The following ABR variants were observed in gnomAD, a reference collection of about 807,000 sequenced individuals.
The protein encoded by ABR is active breakpoint cluster region-related protein.
ABR carries 35 observed loss-of-function variants against 107.2 expected under a neutral mutation model. The observed-to-expected ratio is 0.33, with a 90% CI of 0.25 to 0.43. The LOEUF (loss-of-function observed/expected upper bound fraction) is 0.43. Among genes scored for constraint, ABR ranks in the 20% least tolerant of loss-of-function variants. The pLI is 1.00. For missense variants in ABR, 815 were observed against 1,115.2 expected (o/e 0.73, Z 3.83); for synonymous variants, 498 against 462.0 (o/e 1.08, Z -1.00).
chr17:1,166,199 G>A (rs1405842287), intron 1 of ABR, among the ~76,000 whole-genome samples: 1 of 152,108 alleles, frequency 6.6e-6, no homozygotes, highest in Non-Finnish European at 1.5e-5. Flanking sequence ...GTTCAAAGCA[G>A]GACAGGCAAG....
At chr17:1,198,041 A>ATT (rs2042603218) in intron 1 of ABR, among the ~76,000 whole-genome samples, 1 of 151,484 alleles carries the variant, frequency 6.6e-6, no homozygotes, top group Admixed American at 6.6e-5. Context: ...CCTAAAGGAG[A>ATT]GCTGAGCTGT....
intron 10 of ABR, among the ~76,000 whole-genome samples, chr17:1,061,628 C>A (rs569503534): frequency 5.9e-5 from 9 of 152,138 alleles, no homozygotes; most frequent in South Asian, 2.1e-4. Context: ...CTCACTGCAA[C>A]CTCCACCTCC....
Position 1,150,330 on chromosome 17 carries a change from G to A in ABR, c.62-24963C>T, listed in dbSNP as rs779583963. 6.6e-6 allele frequency among the ~76,000 whole-genome samples: 1 copy of A among 152,242 alleles called. No individual in the cohort carries two copies. The highest frequency in any genetic ancestry group is 1.5e-5 in the Non-Finnish European group (1 of 68,046). On this transcript the variant is annotated intron_variant, in intron 1 of 22. Coordinates refer to ENST00000302538, the MANE Select transcript of ABR (RefSeq NM_021962.5). This position sits in a 1 kb window ranked among gnomAD's most constrained non-coding sequence, Gnocchi z 4.8. Reference sequence around the variant, plus strand: ...CTCATCTTTTGCCCACAATGGGAAAGGAGGTAAGAAGTCTGTGTTCCGGGT... The same window carrying A: ...CTCATCTTTTGCCCACAATGGGAAAAGAGGTAAGAAGTCTGTGTTCCGGGT...
At chr17:1,107,974 G>A (rs2038371047) in intron 2 of ABR, among the ~76,000 whole-genome samples, 1 of 152,236 alleles carries the variant, frequency 6.6e-6, no homozygotes. Context: ...TCTGTGAGGG[G>A]CAGGGAGGCC....
chr17:1,082,216 G>A (rs1226322406), intron 5 of ABR, among the ~76,000 whole-genome samples: 3 of 152,134 alleles, frequency 2.0e-5, no homozygotes, highest in Non-Finnish European at 4.4e-5. Flanking sequence ...GCCCTGAGCT[G>A]GGGGCTGTTC....
rs200091783 is a variant in ABR, at chr17:1,007,294, G to A, written c.2361C>T (p.Pro787=). The change falls in exon 22 of 23, where the codon CCC becomes CCT. Residue 787 remains proline (P), a synonymous_variant. Transcript: ENST00000302538. ...GGTTGTGAAGTGACATTTTGTTGAT[G>A]GGCTCCTTCTCGGCAACCCTAAGAA... ...EHLKRVAEKE[P]INKMSLHNLA... 31 of 1,614,118 alleles carry A rather than the reference G, an allele frequency of 1.9e-5. No individual in the cohort carries two copies. Among genetic ancestry groups the A allele is most frequent in the Non-Finnish European group, 2.5e-5 (29 of 1,179,980 alleles).
chr17:1,011,928 C>T lies in ABR; in HGVS notation c.2019G>A (p.Lys673=), dbSNP rs116740995. The T allele has an allele frequency of 3.7e-5, 60 of 1,613,310 alleles. No individual in the cohort carries two copies. In the African/African-American group the frequency reaches 6.9e-4, roughly 19 times the overall value. ...IVRQCVEEVE[K]RGIEEVGIYR... is the part of the protein sequence containing the mutation. The stretch of plus-strand genomic sequence containing the variant: ...AGATGCCAACCTCCTCGATACCCCT[C>T]TTCTCCACCTCCTCCACACACTGCC... Residue 673 remains lysine (K), a synonymous_variant, in exon 19 of 23, where the codon AAG becomes AAA. Transcript: ENST00000302538. The surrounding 1 kb of genome is among the most constrained non-coding windows in gnomAD (Gnocchi z 4.8).
In ABR at chr17:1,078,136, TCA is replaced by T. The variant is rs2035887497; in HGVS notation, c.700+1192_700+1193del. 2.6e-5 allele frequency among the ~76,000 whole-genome samples: 4 copies of T among 151,184 alleles called. No individual in the cohort carries two copies. In the East Asian group the frequency reaches 7.8e-4, roughly 30 times the overall value. On this transcript the variant is annotated intron_variant, in intron 6 of 22. Transcript: ENST00000302538. This position sits in a 1 kb window ranked among gnomAD's most constrained non-coding sequence, Gnocchi z 7.5. Reference sequence around the variant, plus strand: ...GTGTGTGTGTGTGTGTGTGTGACCTTCACAGAGTAGCTTGCCACACCCCTCTC... The same window carrying T: ...GTGTGTGTGTGTGTGTGTGTGACCTTCAGAGTAGCTTGCCACACCCCTCTC...
chr17:1,145,109 T>G (rs987565486), intron 1 of ABR, among the ~76,000 whole-genome samples: 5 of 152,186 alleles, frequency 3.3e-5, no homozygotes, highest in African/African-American at 1.2e-4. Flanking sequence ...GGGTTATCGG[T>G]ATATTCTGTC....
intron 16 of ABR, among the ~76,000 whole-genome samples, chr17:1,019,996 A>T (rs12451243): frequency 0.22 from 32,996 of 152,206 alleles, 4,108 homozygotes; most frequent in Admixed American, 0.34. Flanking sequence ...CAGGCTGCAA[A>T]ACATCGTGGA....
At chr17:1,012,913 G>A (rs1278216355) in intron 17 of ABR, 116 bp from the exon 18 acceptor site, 1 of 1,083,544 alleles carries the variant, frequency 9.2e-7, no homozygotes, top group East Asian at 2.6e-5. Context: ...TCACACCCAG[G>A]TCTCCCTCAA....
At chr17:1,059,953 A>ACCCTG (rs1717812184) in intron 10 of ABR, among the ~76,000 whole-genome samples, 3 of 151,984 alleles carry the variant, frequency 2.0e-5, no homozygotes, top group South Asian at 4.1e-4. Context: ...GCGCACACTC[A>ACCCTG]CCCTGCCCTG....
intron 1 of ABR, among the ~76,000 whole-genome samples, chr17:1,139,795 T>C (rs957870039): frequency 1.3e-5 from 2 of 152,150 alleles, no homozygotes; most frequent in African/African-American, 2.4e-5. Context: ...GTAGGACTCA[T>C]ACAAATACCA....
chr17:1,063,937 G>A (rs2034362049), intron 10 of ABR, among the ~76,000 whole-genome samples: 1 of 150,198 alleles, frequency 6.7e-6, no homozygotes, highest in African/African-American at 2.4e-5. Context: ...TGTTCCTCTA[G>A]ACACTGTTGT....
At chr17:1,137,315 T>G (rs1471757118) in intron 1 of ABR, among the ~76,000 whole-genome samples, 1 of 152,206 alleles carries the variant, frequency 6.6e-6, no homozygotes, top group East Asian at 1.9e-4. Flanking sequence ...GTGCTGGGAT[T>G]ACAGGCGTGA....
chr17:1,219,553 T>G (rs1243532914), intron 1 of ABR, among the ~76,000 whole-genome samples: 3 of 142,868 alleles, frequency 2.1e-5, no homozygotes. Context: ...TATAGCACGA[T>G]GTGCCTATGT....
intron 10 of ABR, among the ~76,000 whole-genome samples, chr17:1,060,916 C>T (rs2033849871): frequency 6.6e-6 from 1 of 152,134 alleles, no homozygotes; most frequent in East Asian, 1.9e-4. Context: ...TGCTTGAACC[C>T]GGGAGGTGGA....
intron 1 of ABR, among the ~76,000 whole-genome samples, chr17:1,161,142 C>A (rs534528643): frequency 6.6e-6 from 1 of 151,692 alleles, no homozygotes; most frequent in Non-Finnish European, 1.5e-5. Context: ...CGGAAATCCC[C>A]GTCACCCACA....
At chr17:1,097,782 T>C (rs1407572524) in intron 3 of ABR, among the ~76,000 whole-genome samples, 1 of 152,156 alleles carries the variant, frequency 6.6e-6, no homozygotes, top group Non-Finnish European at 1.5e-5. Context: ...TCCTTTCAAA[T>C]ACACACCCTG....
Sources: allele counts gnomAD v4.1 joint callset (sites outside exome capture counted in the v4.1 genomes callset), GRCh38; gene constraint gnomAD v4.1.1; non-coding constraint Gnocchi (gnomAD v3.1); transcripts MANE v1.5; gene names NCBI Gene and HGNC (gene_info 2026-07-23, HGNC 2026-07-21).